Variants in ANKRD17 observed in about 807,000 individuals in gnomAD.
The protein encoded by ANKRD17 is ankyrin repeat domain-containing protein 17.
ANKRD17 carries 19 observed loss-of-function variants against 229.7 expected under a neutral mutation model. The ratio of observed to expected loss-of-function variants is 0.08; its 90% CI spans 0.06 to 0.12. The LOEUF is 0.12. Among genes scored for constraint, ANKRD17 ranks in the 10% least tolerant of loss-of-function variants. The pLI is 1.00. For missense variants in ANKRD17, 2,176 were observed against 3,176.8 expected, an observed-to-expected ratio of 0.68 and a Z score of 7.57; for synonymous variants, 1,112 against 1,146.1, an observed-to-expected ratio of 0.97 and a Z score of 0.60.
chr4:73,211,138 TA>T (rs1398836838), intron 1 of ANKRD17, among the ~76,000 whole-genome samples: 1 of 151,964 alleles, frequency 6.6e-6, no homozygotes, highest in Non-Finnish European at 1.5e-5. Context: ...ATACAGACCA[TA>T]AAATATTTTA....
intron 24 of ANKRD17, among the ~76,000 whole-genome samples, chr4:73,109,487 C>A (rs1725043985): frequency 6.6e-6 from 1 of 151,990 alleles, no homozygotes; most frequent in East Asian, 1.9e-4. Context: ...AAAGTCTTTG[C>A]AAGTTTTCTT....
chr4:73,252,946 C>A (rs964281086), intron 1 of ANKRD17, among the ~76,000 whole-genome samples: 5 of 152,122 alleles, frequency 3.3e-5, no homozygotes, highest in Admixed American at 3.3e-4. Flanking sequence ...GGCCGTCCAA[C>A]TGCAAAAAAG....
At chr4:73,190,363 C>T (rs945572029) in intron 1 of ANKRD17, among the ~76,000 whole-genome samples, 4 of 151,714 alleles carry the variant, frequency 2.6e-5, no homozygotes, top group African/African-American at 7.3e-5. Flanking sequence ...GATGAGATTC[C>T]GTCTCAATAA....
At chr4:73,104,019 GAT>G (rs1310271556) in intron 24 of ANKRD17, 1 of 152,140 alleles carries the variant, frequency 6.6e-6, no homozygotes, top group African/African-American at 2.4e-5. Context: ...CTAGGTGAGA[GAT>G]AAGTCTTGTT....
chr4:73,237,305 C>T (rs1743594825), intron 1 of ANKRD17, among the ~76,000 whole-genome samples: 3 of 152,170 alleles, frequency 2.0e-5, no homozygotes, highest in Admixed American at 2.0e-4. Context: ...AATACCAAGC[C>T]TGTGTTTTTT....
intron 16 of ANKRD17, among the ~76,000 whole-genome samples, chr4:73,129,141 AG>A (rs1278987866): frequency 1.3e-5 from 2 of 152,222 alleles, no homozygotes; most frequent in Non-Finnish European, 2.9e-5. Context: ...GAGCTCATTC[AG>A]GTTTCTATTC....
At chr4:73,192,137 A>G (rs942721485) in intron 1 of ANKRD17, among the ~76,000 whole-genome samples, 2 of 152,066 alleles carry the variant, frequency 1.3e-5, no homozygotes, top group African/African-American at 4.8e-5. Flanking sequence ...GAACTTATTA[A>G]TAGTGACATT....
At chr4:73,186,986 A>G (rs1736386306) in intron 1 of ANKRD17, among the ~76,000 whole-genome samples, 1 of 152,134 alleles carries the variant, frequency 6.6e-6, no homozygotes, top group South Asian at 2.1e-4. Flanking sequence ...ACATATATAC[A>G]CACCACAAAA....
chr4:73,174,090 GGGA>G (rs1553929230), intron 2 of ANKRD17, among the ~76,000 whole-genome samples: 2 of 134,188 alleles, frequency 1.5e-5, no homozygotes, highest in Non-Finnish European at 3.2e-5. Context: ...GGGAAGGGAG[GGGA>G]GAAGGAAGGA....
At chr4:73,234,485 A>C (rs1460886298) in intron 1 of ANKRD17, among the ~76,000 whole-genome samples, 1 of 152,214 alleles carries the variant, frequency 6.6e-6, no homozygotes, top group Non-Finnish European at 1.5e-5. Context: ...TTTGCAAATG[A>C]AAGATTACTT....
At chr4:73,215,264 G>A (rs1166434185) in intron 1 of ANKRD17, among the ~76,000 whole-genome samples, 1 of 141,596 alleles carries the variant, frequency 7.1e-6, no homozygotes, top group Non-Finnish European at 1.5e-5. Context: ...TAGAAAATGT[G>A]ATTTTTTTTT....
intron 1 of ANKRD17, among the ~76,000 whole-genome samples, chr4:73,241,322 AAGTTAAGAGGC>A (rs1432938318): frequency 1.3e-5 from 2 of 152,156 alleles, no homozygotes; most frequent in African/African-American, 2.4e-5. Flanking sequence ...TAAAATGTAA[AAGTTAAGAGGC>A]ACACTAGCCA....
Position 73,139,685 on chromosome 4 carries a change from A to C in ANKRD17, c.2931T>G (p.Leu977=), listed in dbSNP as rs147566846. 2.0e-5 allele frequency: 32 copies of C among 1,613,976 alleles called. No individual in the cohort carries two copies. Among genetic ancestry groups the C allele is most frequent in the Non-Finnish European group, 2.7e-5 (32 of 1,180,024 alleles). The change falls in exon 15 of 34, where the codon CTT becomes CTG. Residue 977 remains leucine (L), a synonymous_variant. Coordinates refer to ENST00000358602, the MANE Select transcript of ANKRD17 (RefSeq NM_032217.5). ...CAACTATCACTCCTTGCAGTTCTGT[A>C]AGATTTGCGATGGACCCTGGAGGCA... ...GPLPPGSIAN[L]TELQGVIVGQ...
intron 15 of ANKRD17, among the ~76,000 whole-genome samples, chr4:73,137,315 A>G (rs1729031951): frequency 6.6e-6 from 1 of 152,132 alleles, no homozygotes; most frequent in South Asian, 2.1e-4. Context: ...AGGTGTTGAG[A>G]CAGGTTAAAC....
chr4:73,194,695 A>G (rs776731832), intron 1 of ANKRD17, among the ~76,000 whole-genome samples: 1 of 152,136 alleles, frequency 6.6e-6, no homozygotes, highest in Non-Finnish European at 1.5e-5. Context: ...AGTATATATC[A>G]TATACTGTAA....
In ANKRD17 at chr4:73,092,310, G is replaced by C; in HGVS notation, c.5328-10C>G. Reference sequence around the variant, plus strand: ...TGATTCAGTGCCACCCCTATAAATTGAGAAAAAAAAATTAGGTAGAATTTT... The same window carrying C: ...TGATTCAGTGCCACCCCTATAAATTCAGAAAAAAAAATTAGGTAGAATTTT... On this transcript the variant is annotated splice_polypyrimidine_tract_variant and intron_variant, in intron 28 of 33. Coordinates refer to ENST00000358602, the MANE Select transcript of ANKRD17 (RefSeq NM_032217.5). 6.4e-7 allele frequency: 1 copy of C among 1,573,418 alleles called. No individual in the cohort carries two copies. Among genetic ancestry groups the C allele is most frequent in the Non-Finnish European group, 8.6e-7 (1 of 1,165,470 alleles).
At chr4:73,231,036 A>G (rs920596540) in intron 1 of ANKRD17, among the ~76,000 whole-genome samples, 2 of 152,220 alleles carry the variant, frequency 1.3e-5, no homozygotes, top group Non-Finnish European at 2.9e-5. Flanking sequence ...TTTTGATTTT[A>G]AATAGGTTAA....
In ANKRD17 at chr4:73,177,488, G is replaced by A. The variant is rs1477905190; in HGVS notation, c.439C>T (p.Leu147=). The stretch of plus-strand genomic sequence containing the variant: ...AAGAGCAACTTGGAAGCTGTTTCCA[G>A]CATTGGATTTTCCAAATCATCCTGA... ...LDQDDLENPM[L]ETASKLLLSG... The change falls in exon 2 of 34, where the codon CTG becomes TTG. Residue 147 remains leucine (L), a synonymous_variant. Transcript: ENST00000358602. 6.2e-7 allele frequency: 1 copy of A among 1,613,452 alleles called. No homozygotes were observed. Among genetic ancestry groups the A allele is most frequent in the Non-Finnish European group, 8.5e-7 (1 of 1,179,738 alleles).
intron 1 of ANKRD17, among the ~76,000 whole-genome samples, chr4:73,244,225 A>G (rs901750538): frequency 1.3e-5 from 2 of 152,170 alleles, no homozygotes; most frequent in Admixed American, 6.5e-5. Flanking sequence ...GTACAATCAC[A>G]TTCTGAAATA....
Sources: gnomAD v4.1 joint callset for allele counts (sites outside exome capture counted in the v4.1 genomes callset) on GRCh38, gnomAD v4.1.1 for gene constraint, MANE v1.5 for transcripts, NCBI Gene and HGNC (gene_info 2026-07-23, HGNC 2026-07-21) for gene names.